The following CEMIP variants were observed in gnomAD, a reference collection of about 807,000 sequenced individuals.
The protein encoded by CEMIP is cell migration inducing hyaluronidase 1.
CEMIP carries 105 observed loss-of-function variants against 156.9 expected under a neutral mutation model. That is an observed-to-expected ratio of 0.67 (90% CI 0.57 to 0.79). The LOEUF (loss-of-function observed/expected upper bound fraction) is 0.79. Among genes scored for constraint, CEMIP ranks in the 30% least tolerant of loss-of-function variants. The pLI, the probability that CEMIP is intolerant of heterozygous loss-of-function variation, is 0.00. For synonymous variants in CEMIP, 676 were observed against 668.4 expected (o/e 1.01, Z -0.17); for missense variants, 1,457 against 1,769.4 (o/e 0.82, Z 3.17).
chr15:80,929,164 C>T lies in CEMIP; in HGVS notation c.2602C>T (p.Pro868Ser), dbSNP rs766113303. Residue 868 changes from proline (P) to serine (S), a missense_variant, in exon 21 of 30, where the codon CCT becomes TCT. Transcript: ENST00000394685. ...CTTGGACCATAGCGGAAGGACCCTC[C>T]CTATAGGCCAGTAGGTTTGCAACCA... is the stretch of plus-strand genomic sequence containing the variant. ...GGLDHSGRTL[P>S]IGQNFPIRGI... 1.2e-6 allele frequency: 2 copies of T among 1,614,176 alleles called. No homozygotes were observed. The highest frequency in any genetic ancestry group is 2.2e-5 in the South Asian group (2 of 91,080).
intron 1 of CEMIP, among the ~76,000 whole-genome samples, chr15:80,790,311 C>G (rs1012453624): frequency 7.2e-5 from 11 of 152,202 alleles, no homozygotes; most frequent in African/African-American, 2.7e-4. Flanking sequence ...TTGATGTTCA[C>G]TCTTGTGTAT....
At chr15:80,917,811 C>T (rs985187106) in intron 14 of CEMIP, among the ~76,000 whole-genome samples, 2 of 152,056 alleles carry the variant, frequency 1.3e-5, no homozygotes, top group African/African-American at 4.8e-5. Context: ...TTCTCTGAGT[C>T]TCGTTTTCCT....
At position 80,873,817 on chromosome 15, in the gene CEMIP, C is replaced by T. The variant is rs1418810054; in HGVS notation, c.-16-47C>T. Reference sequence around the variant, plus strand: ...TCCATGTCGGCCCTGTATACTGATTCCAGCCTGCCAAGGCTGCATGTCTGA... The same window carrying T: ...TCCATGTCGGCCCTGTATACTGATTTCAGCCTGCCAAGGCTGCATGTCTGA... On this transcript the variant is annotated intron_variant, in intron 2 of 29. Transcript: ENST00000394685. 2.9e-5 allele frequency: 41 copies of T among 1,398,970 alleles called. No homozygotes were observed. The East Asian group carries it at 1.0e-3, about 35-fold the overall frequency. The allele number at this position is 1,398,970 out of a possible 1,614,324, so 86.7% of individuals were successfully genotyped here.
chr15:80,799,986 GACT>G (rs1436758925), intron 1 of CEMIP, among the ~76,000 whole-genome samples: 1 of 149,608 alleles, frequency 6.7e-6, no homozygotes, highest in Non-Finnish European at 1.5e-5. Flanking sequence ...GAGTAGCTGG[GACT>G]ACAGGCACAT....
chr15:80,830,870 C>G (rs1364715146), intron 1 of CEMIP, among the ~76,000 whole-genome samples: 1 of 152,080 alleles, frequency 6.6e-6, no homozygotes, highest in Non-Finnish European at 1.5e-5. Context: ...TTCTCTGAGG[C>G]TCAGTTTCCA....
At chr15:80,873,374 A>G (rs185294155) in intron 1 of CEMIP, among the ~76,000 whole-genome samples, 164 bp from the exon 2 acceptor site, 20 of 152,326 alleles carry the variant, frequency 1.3e-4, no homozygotes, top group African/African-American at 4.1e-4. Flanking sequence ...GATAATGTAA[A>G]GGTTAGAAAT....
At chr15:80,844,483 T>A (rs1897506167) in intron 1 of CEMIP, among the ~76,000 whole-genome samples, 1 of 152,188 alleles carries the variant, frequency 6.6e-6, no homozygotes, top group South Asian at 2.1e-4. Flanking sequence ...CCTCTTTCTC[T>A]GGGGTTTTTG....
intron 1 of CEMIP, among the ~76,000 whole-genome samples, chr15:80,839,330 G>GTGTGTGTGTT (rs1897337478): frequency 1.3e-5 from 2 of 151,246 alleles, no homozygotes; most frequent in African/African-American, 4.9e-5. Flanking sequence ...GTGTGTGTGT[G>GTGTGTGTGTT]TTTAATTTGT....
chr15:80,948,626 T>C (rs1469137515), intron 29 of CEMIP, 171 bp from the exon 30 acceptor site: 3 of 863,418 alleles, frequency 3.5e-6, no homozygotes, highest in Non-Finnish European at 5.7e-6. Flanking sequence ...CAAACACATG[T>C]CAGGCACCAT....
chr15:80,844,814 G>A (rs1897514544), intron 1 of CEMIP, among the ~76,000 whole-genome samples: 1 of 152,228 alleles, frequency 6.6e-6, no homozygotes, highest in African/African-American at 2.4e-5. Flanking sequence ...TGGAGCAGGA[G>A]CAGGAGAGAA....
intron 1 of CEMIP, among the ~76,000 whole-genome samples, chr15:80,858,301 G>GAACACTGCATGTTA (rs1169785004): frequency 6.6e-6 from 1 of 152,152 alleles, no homozygotes; most frequent in Non-Finnish European, 1.5e-5. Context: ...CATTTTCTAG[G>GAACACTGCATGTTA]AAACTGCATG....
chr15:80,828,817 A>C (rs1897094470), intron 1 of CEMIP, among the ~76,000 whole-genome samples: 1 of 152,322 alleles, frequency 6.6e-6, no homozygotes, highest in South Asian at 2.1e-4. Flanking sequence ...ACAGGTCTCC[A>C]CTGGAGTGGT....
intron 19 of CEMIP, among the ~76,000 whole-genome samples, chr15:80,927,533 C>G (rs993029762): frequency 5.9e-5 from 9 of 152,130 alleles, no homozygotes; most frequent in South Asian, 4.2e-4. Flanking sequence ...GAGTTTAGGT[C>G]CCTTAAGAGA....
chr15:80,918,496 C>A (rs1007128034), intron 14 of CEMIP, among the ~76,000 whole-genome samples: 2 of 152,170 alleles, frequency 1.3e-5, no homozygotes, highest in African/African-American at 2.4e-5. Context: ...AATCACGGGA[C>A]AGCCTCTCAA....
intron 28 of CEMIP, chr15:80,946,723 G>A (rs1189111082): frequency 7.5e-6 from 4 of 534,342 alleles, no homozygotes; most frequent in South Asian, 2.0e-5. Context: ...GTCCAGGCTT[G>A]GAGAAGGCTG....
chr15:80,937,808 G>T lies in CEMIP; in HGVS notation c.3236G>T (p.Arg1079Leu). 1 of 1,614,230 alleles carries T rather than the reference G, an allele frequency of 6.2e-7. No homozygotes were observed. Among genetic ancestry groups the T allele is most frequent in the Non-Finnish European group, 8.5e-7 (1 of 1,180,040 alleles). ...TCCAATCCTAGGGGCGACTGGATCC[G>T]AGTGGGGCTCTGCTACCCGCGAGGC... is the stretch of plus-strand genomic sequence containing the variant. The part of the protein sequence containing the change: ...LINFNKGDWI[R>L]VGLCYPRGTT... The change falls in exon 25 of 30, where the codon CGA becomes CTA. Residue 1079 changes from arginine to leucine, a missense_variant. Around this residue, in one of 5 missense-constraint regions of CEMIP, gnomAD observed 798 missense variants for 980.1 expected, o/e 0.81. Transcript: ENST00000394685.
chr15:80,909,208 G>A lies in CEMIP; in HGVS notation c.1699G>A (p.Glu567Lys), dbSNP rs200544972. ...IHFHLAGDVD[E>K]RGGYDPPTYI... ...CTTCCACCTGGCCGGTGATGTAGAC[G>A]AAAGGGGAGGTTATGACCCACCCAC... Residue 567 changes from glutamate (E) to lysine (K), a missense_variant, in exon 14 of 30, where the codon GAA becomes AAA. Physicochemically the swap from Glu to Lys is moderately conservative, Grantham distance 56 (BLOSUM62 1). This residue lies in a region of CEMIP where 53 missense variants were observed against 104.5 expected (regional missense o/e 0.51). Coordinates refer to ENST00000394685, the MANE Select transcript of CEMIP (RefSeq NM_001293298.2). 6.0e-5 allele frequency: 97 copies of A among 1,614,018 alleles called. No homozygotes were observed. The highest frequency in any genetic ancestry group is 7.1e-5 in the Non-Finnish European group (84 of 1,180,028).
chr15:80,826,160 C>G (rs1897033223), intron 1 of CEMIP, among the ~76,000 whole-genome samples: 1 of 152,212 alleles, frequency 6.6e-6, no homozygotes, highest in African/African-American at 2.4e-5. Flanking sequence ...TGTGATCCTA[C>G]TCTCAAAGAT....
At chr15:80,884,447 C>T (rs1189217706) in intron 7 of CEMIP, 93 bp downstream of exon 7, 4 of 1,288,822 alleles carry the variant, frequency 3.1e-6, no homozygotes, top group Non-Finnish European at 4.5e-6. Context: ...CCTCTCCCCA[C>T]AGCCGTACCA....
Sources: gnomAD v4.1 joint callset for allele counts (sites outside exome capture counted in the v4.1 genomes callset) on GRCh38, gnomAD v4.1.1 for gene constraint, gnomAD v4.1.1 regional missense constraint, MANE v1.5 for transcripts, NCBI Gene and HGNC (gene_info 2026-07-23, HGNC 2026-07-21) for gene names.